CIMIP4: variants seen among roughly 807,000 people sequenced by gnomAD.
CIMIP4 encodes the protein ciliary microtubule inner protein 4, also known as protein EAN57.
At chr22:36,999,348 C>T in the CIMIP4 span, among the ~76,000 whole-genome samples, 8 of 147,436 alleles carry the variant, frequency 5.4e-5, no homozygotes, top group South Asian at 2.2e-4. Flanking sequence ...GGTATGGTGG[C>T]GCGCATCTGT....
chr22:36,999,930 G>A, the CIMIP4 span: 24 of 1,613,970 alleles, frequency 1.5e-5, no homozygotes, highest in South Asian at 2.6e-4. Flanking sequence ...GTCCTGCTGG[G>A]CCATGAGCTT....
At chr22:37,001,264 G>A in the CIMIP4 span, among the ~76,000 whole-genome samples, 5 of 151,696 alleles carry the variant, frequency 3.3e-5, no homozygotes, top group Non-Finnish European at 5.9e-5. Context: ...CGCTCACCAT[G>A]TATTTGTCAG....
chr22:36,994,389 G>A, the CIMIP4 span, among the ~76,000 whole-genome samples: 1 of 152,084 alleles, frequency 6.6e-6, no homozygotes, highest in African/African-American at 2.4e-5. Flanking sequence ...CGCGATCTCC[G>A]CTCACTATAA....
At chr22:37,006,973 G>T in the CIMIP4 span, among the ~76,000 whole-genome samples, 3,836 of 152,258 alleles carry the variant, frequency 0.025, 161 homozygotes, top group African/African-American at 0.088. Context: ...GGTCCACAGG[G>T]CAAGGAACTC....
At chr22:36,995,855 G>A in the CIMIP4 span, among the ~76,000 whole-genome samples, 1 of 152,048 alleles carries the variant, frequency 6.6e-6, no homozygotes, top group Non-Finnish European at 1.5e-5. Context: ...CCCAGTCTCA[G>A]GTATGTTTTT....
the CIMIP4 span, among the ~76,000 whole-genome samples, chr22:36,994,316 T>C: frequency 6.6e-6 from 1 of 152,156 alleles, no homozygotes; most frequent in Non-Finnish European, 1.5e-5. Context: ...ATTGTTATTA[T>C]TATTATTATT....
At chr22:37,002,199 T>C in the CIMIP4 span, 1 of 1,481,226 alleles carries the variant, frequency 6.8e-7, no homozygotes, top group Non-Finnish European at 9.0e-7. Flanking sequence ...AGACCCTGGT[T>C]CTTGAACTTG....
the CIMIP4 span, chr22:37,004,157 C>T: frequency 0.022 from 16,958 of 764,320 alleles, 285 homozygotes; most frequent in Non-Finnish European, 0.029. Flanking sequence ...CTAAGCTGCC[C>T]CTGGTGCCCT....
At chr22:36,995,628 C>T in the CIMIP4 span, among the ~76,000 whole-genome samples, 1 of 152,178 alleles carries the variant, frequency 6.6e-6, no homozygotes. Flanking sequence ...AGACTAAGAC[C>T]CAGAGCCAGC....
the CIMIP4 span, among the ~76,000 whole-genome samples, chr22:36,999,302 C>CA: frequency 0.2 from 21,763 of 106,630 alleles, 2,353 homozygotes; most frequent in East Asian, 0.3. Context: ...AGCAAAAATA[C>CA]AAAAAAAAAA....
the CIMIP4 span, among the ~76,000 whole-genome samples, chr22:36,993,595 G>T: frequency 6.6e-6 from 1 of 151,738 alleles, no homozygotes; most frequent in Non-Finnish European, 1.5e-5. Context: ...CGGGCGTTGT[G>T]GCAGGCGCCT....
At chr22:36,999,576 A>AGGGGGGAGGGGGGGGGGGG in the CIMIP4 span, among the ~76,000 whole-genome samples, 1 of 2,932 alleles carries the variant, frequency 3.4e-4, no homozygotes, top group Non-Finnish European at 6.3e-4. Context: ...GGGGGAGGGG[A>AGGGGGGAGGGGGGGGGGGG]GGGGAGGGGG....
the CIMIP4 span, chr22:36,991,419 C>A: frequency 1.3e-6 from 2 of 1,581,694 alleles, no homozygotes; most frequent in Non-Finnish European, 1.7e-6. Flanking sequence ...ACCCTTAGAG[C>A]CAACACACCC....
chr22:36,993,016 C>CTT, the CIMIP4 span, among the ~76,000 whole-genome samples: 86 of 136,266 alleles, frequency 6.3e-4, no homozygotes, highest in Middle Eastern at 3.8e-3. Flanking sequence ...TTTTTTTTTT[C>CTT]TTTTTTTTTT....
At chr22:37,006,251 A>G in the CIMIP4 span, among the ~76,000 whole-genome samples, 1 of 152,250 alleles carries the variant, frequency 6.6e-6, no homozygotes, top group African/African-American at 2.4e-5. Flanking sequence ...TGAACAAAAA[A>G]TAAAAATAAA....
At chr22:37,003,902 C>A in the CIMIP4 span, 1 of 1,498,078 alleles carries the variant, frequency 6.7e-7, no homozygotes, top group Non-Finnish European at 9.0e-7. Flanking sequence ...TGCCCTGCTG[C>A]CCCAGGGAGT....
At chr22:37,000,003 A>T in the CIMIP4 span, 38 of 1,602,768 alleles carry the variant, frequency 2.4e-5, no homozygotes, top group Non-Finnish European at 3.2e-5. Flanking sequence ...GGAGGCAGGG[A>T]TGACAGACAG....
chr22:37,007,734 C>T, the CIMIP4 span: 1 of 152,286 alleles, frequency 6.6e-6, no homozygotes, highest in Admixed American at 6.5e-5. Flanking sequence ...CTCACCTCTC[C>T]AATCTCTTTC....
the CIMIP4 span, among the ~76,000 whole-genome samples, chr22:36,998,351 C>G: frequency 3.4e-4 from 51 of 152,124 alleles, no homozygotes; most frequent in Non-Finnish European, 6.6e-4. Context: ...CAGTGGGCAC[C>G]TGGTTCCTCA....
Sources: allele counts gnomAD v4.1 joint callset (sites outside exome capture counted in the v4.1 genomes callset), GRCh38; gene constraint gnomAD v4.1.1; transcripts MANE v1.5; gene names NCBI Gene and HGNC (gene_info 2026-07-23, HGNC 2026-07-21).